Variants in SLC22A23 observed in about 807,000 individuals in gnomAD.
SLC22A23 encodes the protein ion transporter protein.
A neutral mutation model predicts 61.0 loss-of-function variants in SLC22A23; 26 were observed. The observed-to-expected ratio is 0.43, with a 90% CI of 0.31 to 0.59. SLC22A23 has a LOEUF of 0.59. Ranked by LOEUF, SLC22A23 falls within the 20% of genes least tolerant of loss-of-function variation. The pLI is 0.11. For missense variants in SLC22A23, 796 were observed against 934.7 expected, an observed-to-expected ratio of 0.85 and a Z score of 1.94; for synonymous variants, 430 against 413.9, an observed-to-expected ratio of 1.04 and a Z score of -0.47.
chr6:3,323,518 TA>T, intron 4 of SLC22A23: 1 of 446,372 alleles, frequency 2.2e-6, no homozygotes, highest in Non-Finnish European at 4.2e-6. Flanking sequence ...AATCCATTCA[TA>T]AAAATTCATG....
intron 3 of SLC22A23, among the ~76,000 whole-genome samples, chr6:3,340,020 A>G (rs1332450320): frequency 6.6e-6 from 1 of 152,144 alleles, no homozygotes; most frequent in Non-Finnish European, 1.5e-5. Flanking sequence ...ATGTAAACAT[A>G]TGAAATTAAA....
chr6:3,394,885 G>A (rs1767906545), intron 3 of SLC22A23, among the ~76,000 whole-genome samples: 1 of 152,238 alleles, frequency 6.6e-6, no homozygotes, highest in Admixed American at 6.5e-5. Flanking sequence ...CTCAGATGCT[G>A]GAGAAAGCAG....
At chr6:3,277,010 C>G (rs1482778556) in intron 9 of SLC22A23, 4 of 152,228 alleles carry the variant, frequency 2.6e-5, no homozygotes, top group African/African-American at 9.7e-5. Flanking sequence ...CTCCAATGTC[C>G]AAGTGCAGTG....
chr6:3,351,755 G>A (rs540755702), intron 3 of SLC22A23, among the ~76,000 whole-genome samples: 37 of 152,194 alleles, frequency 2.4e-4, no homozygotes, highest in Non-Finnish European at 4.0e-4. Flanking sequence ...CTGCTATTTG[G>A]TATCAAAACT....
At chr6:3,376,148 G>T (rs1766545643) in intron 3 of SLC22A23, among the ~76,000 whole-genome samples, 1 of 152,090 alleles carries the variant, frequency 6.6e-6, no homozygotes, top group Admixed American at 6.5e-5. Context: ...ACCAATGCTG[G>T]CTTCAGAATA....
At chr6:3,292,498 A>AGAG (rs1491264431) in intron 5 of SLC22A23, among the ~76,000 whole-genome samples, 7 of 152,124 alleles carry the variant, frequency 4.6e-5, no homozygotes, top group African/African-American at 1.7e-4. Flanking sequence ...TCCTCGAGAC[A>AGAG]GAGGAGGAGG....
At chr6:3,331,234 T>C (rs945853676) in intron 3 of SLC22A23, among the ~76,000 whole-genome samples, 1 of 152,220 alleles carries the variant, frequency 6.6e-6, no homozygotes, top group African/African-American at 2.4e-5. Flanking sequence ...GCAGAAGCTA[T>C]CTTCAGGTAT....
At chr6:3,280,490 CTTT>C (rs1163139930) in intron 9 of SLC22A23, among the ~76,000 whole-genome samples, 70 of 57,288 alleles carry the variant, frequency 1.2e-3, no homozygotes, top group African/African-American at 3.0e-3. Flanking sequence ...TAAGACACAA[CTTT>C]TTTTTTTTTT....
Position 3,415,835 on chromosome 6 carries a change from A to G in SLC22A23, c.675T>C (p.Asn225=). ...VVSKWDLVCD[N]AWKVHIAKFS... Reference sequence around the variant, plus strand: ...ACTTAGCGATATGGACCTTCCAGGCATTATCACACACAAGATCCCACTAGA... The same window carrying G: ...ACTTAGCGATATGGACCTTCCAGGCGTTATCACACACAAGATCCCACTAGA... Residue 225 remains asparagine, a synonymous_variant, in exon 2 of 10, where the codon AAT becomes AAC. Transcript: ENST00000406686. The G allele has an allele frequency of 6.4e-7, 1 of 1,552,118 alleles. No individual in the cohort carries two copies. The highest frequency in any genetic ancestry group is 8.7e-7 in the Non-Finnish European group (1 of 1,146,896).
Position 3,298,120 on chromosome 6 carries a change from G to A in SLC22A23, c.1181C>T (p.Pro394Leu), listed in dbSNP as rs752326194. Residue 394 changes from proline (P) to leucine (L), a missense_variant, in exon 5 of 10, where the codon CCT becomes CTT. Pro to Leu is a moderately conservative substitution (Grantham distance 98). Transcript: ENST00000406686. ...LHFTQKNRMNPEGDIKGVIPE... is the reference protein window; with the variant it reads ...LHFTQKNRMNLEGDIKGVIPE... ...TATCACACCCTTGATGTCGCCCTCA[G>A]GGTTCATGCGATTCTTCTGTGTGAA... The A allele has an allele frequency of 1.6e-5, 26 of 1,581,752 alleles. No homozygotes were observed. In the South Asian group the frequency reaches 3.0e-4, roughly 19 times the overall value.
At chr6:3,452,173 C>A (rs1245428574) in intron 1 of SLC22A23, among the ~76,000 whole-genome samples, 2 of 152,158 alleles carry the variant, frequency 1.3e-5, no homozygotes, top group Non-Finnish European at 2.9e-5. Context: ...ATATTTCCAA[C>A]TGATGAGGGG....
chr6:3,358,652 C>T (rs1441920346), intron 3 of SLC22A23, among the ~76,000 whole-genome samples: 1 of 152,144 alleles, frequency 6.6e-6, no homozygotes, highest in Non-Finnish European at 1.5e-5. Flanking sequence ...CTCTGCTGCA[C>T]ACATTGTGTC....
At chr6:3,287,956 A>C (rs988281117) in intron 6 of SLC22A23, among the ~76,000 whole-genome samples, 2 of 152,144 alleles carry the variant, frequency 1.3e-5, no homozygotes, top group East Asian at 3.9e-4. Flanking sequence ...AAGTGTTGGG[A>C]TTACAGGTGT....
chr6:3,304,410 T>C lies in SLC22A23; in HGVS notation c.1083-6192A>G, dbSNP rs1355880537. Among the ~76,000 whole-genome samples the C allele has an allele frequency of 2.0e-5, 3 of 152,260 alleles. No homozygotes were observed. On this transcript the variant is annotated intron_variant, in intron 4 of 9. Coordinates refer to ENST00000406686, the MANE Select transcript of SLC22A23 (RefSeq NM_015482.2). This position sits in a 1 kb window ranked among gnomAD's most constrained non-coding sequence, Gnocchi z 4.3. ...GAGTCTCTGAGAATTGCAAAGCTCA[T>C]AGAAAAGATTTCAAGGATATTACTG...
intron 5 of SLC22A23, among the ~76,000 whole-genome samples, chr6:3,296,300 A>C (rs4959801): frequency 0.21 from 32,289 of 152,158 alleles, 3,707 homozygotes; most frequent in African/African-American, 0.29. Flanking sequence ...CCCTCATGTT[A>C]GAGCAGCGTG....
intron 3 of SLC22A23, among the ~76,000 whole-genome samples, chr6:3,365,552 C>T (rs540072314): frequency 9.2e-5 from 14 of 152,198 alleles, no homozygotes; most frequent in Admixed American, 8.5e-4. Context: ...GAGCAGTGGG[C>T]GGACCTGATG....
intron 4 of SLC22A23, among the ~76,000 whole-genome samples, chr6:3,299,637 C>T (rs535023576): frequency 6.6e-6 from 1 of 152,300 alleles, no homozygotes; most frequent in Admixed American, 6.5e-5. Context: ...ACCGTGACTG[C>T]GCAGAGCAGG....
intron 3 of SLC22A23, among the ~76,000 whole-genome samples, chr6:3,396,972 T>C (rs1490866609): frequency 6.6e-6 from 1 of 152,194 alleles, no homozygotes; most frequent in African/African-American, 2.4e-5. Flanking sequence ...CAACACAAGC[T>C]GCCTTCCGAT....
At chr6:3,274,005 C>T (rs1027508029) in intron 9 of SLC22A23, among the ~76,000 whole-genome samples, 3 of 152,330 alleles carry the variant, frequency 2.0e-5, no homozygotes, top group Admixed American at 6.5e-5. Context: ...ACGGTCCCAT[C>T]TCTGAGGATT....
Sources: gnomAD v4.1 joint callset for allele counts (sites outside exome capture counted in the v4.1 genomes callset) on GRCh38, gnomAD v4.1.1 for gene constraint, Gnocchi (gnomAD v3.1) non-coding constraint, MANE v1.5 for transcripts, NCBI Gene and HGNC (gene_info 2026-07-23, HGNC 2026-07-21) for gene names.